EPM2A: variants seen among roughly 807,000 people sequenced by gnomAD.
EPM2A encodes the protein laforin.
Under a neutral mutation model 26.5 loss-of-function variants are expected in EPM2A, and 21 were observed. That is an observed-to-expected ratio of 0.79 (90% CI 0.56 to 1.14). The LOEUF (loss-of-function observed/expected upper bound fraction) is 1.14. Among genes scored for constraint, EPM2A ranks in the 50% most tolerant of loss-of-function variants. EPM2A has a pLI of 0.00. For missense variants in EPM2A, 458 were observed against 440.8 expected, an observed-to-expected ratio of 1.04 and a Z score of -0.35; for synonymous variants, 217 against 177.6, an observed-to-expected ratio of 1.22 and a Z score of -1.76.
intron 2 of EPM2A, among the ~76,000 whole-genome samples, chr6:145,605,971 A>G (rs1775241630): frequency 6.6e-6 from 1 of 152,150 alleles, no homozygotes; most frequent in Non-Finnish European, 1.5e-5. Flanking sequence ...AATTCTAGCT[A>G]TTAAACTCCT....
intron 2 of EPM2A, among the ~76,000 whole-genome samples, chr6:145,683,042 A>G (rs925055996): frequency 6.6e-6 from 1 of 152,202 alleles, no homozygotes; most frequent in African/African-American, 2.4e-5. Context: ...TTTCAATTTA[A>G]TAATGAAATA....
intron 4 of EPM2A, among the ~76,000 whole-genome samples, chr6:145,472,819 A>G (rs1779493720): frequency 6.6e-6 from 1 of 152,194 alleles, no homozygotes; most frequent in Admixed American, 6.5e-5. Flanking sequence ...ACAAGTCTGC[A>G]AGAACCACAG....
intron 4 of EPM2A, among the ~76,000 whole-genome samples, chr6:145,416,122 C>A (rs934568204): frequency 6.6e-6 from 1 of 151,968 alleles, no homozygotes; most frequent in East Asian, 1.9e-4. Flanking sequence ...CACTTGTCAG[C>A]AAAAAGAGAA....
intron 2 of EPM2A, among the ~76,000 whole-genome samples, chr6:145,612,378 CAT>C (rs1775410198): frequency 2.0e-5 from 3 of 152,122 alleles, no homozygotes; most frequent in Admixed American, 2.0e-4. Flanking sequence ...AACATGCACT[CAT>C]AATCTTAGTT....
chr6:145,694,126 T>G (rs964679414), intron 1 of EPM2A, among the ~76,000 whole-genome samples: 2 of 152,022 alleles, frequency 1.3e-5, no homozygotes, highest in African/African-American at 4.8e-5. Flanking sequence ...TTACAATTAT[T>G]ATTCATATTA....
At chr6:145,484,276 A>G (rs892879782) in intron 4 of EPM2A, among the ~76,000 whole-genome samples, 4 of 151,690 alleles carry the variant, frequency 2.6e-5, no homozygotes, top group Non-Finnish European at 4.4e-5. Flanking sequence ...AAATATACTG[A>G]CCCCTGTCAA....
intron 2 of EPM2A, among the ~76,000 whole-genome samples, chr6:145,535,314 A>T (rs919315966): frequency 1.3e-5 from 2 of 152,236 alleles, no homozygotes; most frequent in Non-Finnish European, 2.9e-5. Flanking sequence ...ATTCAAGGTG[A>T]CACTTACTGT....
At chr6:145,697,625 A>G (rs896049613) in intron 1 of EPM2A, among the ~76,000 whole-genome samples, 7 of 152,172 alleles carry the variant, frequency 4.6e-5, no homozygotes, top group African/African-American at 1.7e-4. Context: ...CGGCCATTTT[A>G]GAGGCCTACC....
chr6:145,571,580 A>C (rs1161404325), intron 2 of EPM2A, among the ~76,000 whole-genome samples: 1 of 152,180 alleles, frequency 6.6e-6, no homozygotes, highest in Non-Finnish European at 1.5e-5. Flanking sequence ...TCCATTATGG[A>C]AGAGGTCCAG....
intron 4 of EPM2A, chr6:145,490,395 A>T: frequency 1.1e-6 from 1 of 870,134 alleles, no homozygotes; most frequent in Non-Finnish European, 1.9e-6. Flanking sequence ...CAGTGAGGTG[A>T]CATTTGAGGG....
intron 1 of EPM2A, among the ~76,000 whole-genome samples, chr6:145,699,409 G>T (rs1321152590): frequency 6.6e-6 from 1 of 152,190 alleles, no homozygotes; most frequent in Admixed American, 6.5e-5. Flanking sequence ...GGCTCACTGG[G>T]AGAGAAAAAT....
intron 1 of EPM2A, among the ~76,000 whole-genome samples, chr6:145,700,593 T>C (rs953332256): frequency 2.6e-5 from 4 of 152,078 alleles, no homozygotes; most frequent in African/African-American, 9.7e-5. Context: ...AATATACAAA[T>C]AATGCTGAGG....
intron 2 of EPM2A, among the ~76,000 whole-genome samples, chr6:145,553,818 G>GTA (rs1780685925): frequency 6.8e-6 from 1 of 146,226 alleles, no homozygotes; most frequent in African/African-American, 2.5e-5. Context: ...ATTATATTTA[G>GTA]TATATATATT....
chr6:145,696,821 GTGT>G (rs1405445187), intron 1 of EPM2A, among the ~76,000 whole-genome samples: 1 of 137,224 alleles, frequency 7.3e-6, no homozygotes, highest in African/African-American at 2.9e-5. Flanking sequence ...GTGTGTGTGT[GTGT>G]GTGGTGTGTT....
intron 2 of EPM2A, among the ~76,000 whole-genome samples, chr6:145,509,379 T>A (rs990539666): frequency 2.6e-5 from 4 of 152,068 alleles, no homozygotes; most frequent in African/African-American, 9.7e-5. Flanking sequence ...CCCAACAGAC[T>A]AACACAGACT....
chr6:145,501,068 A>G (rs1779882845), downstream of EPM2A, among the ~76,000 whole-genome samples: 1 of 152,348 alleles, frequency 6.6e-6, no homozygotes, highest in East Asian at 1.9e-4. Context: ...CATTTTCTGA[A>G]CACTCACAAT....
At chr6:145,721,659 C>T (rs1775955686) in intron 1 of EPM2A, 1 of 152,230 alleles carries the variant, frequency 6.6e-6, no homozygotes, top group Admixed American at 6.5e-5. Context: ...ATCTCAAACA[C>T]ATGAGCATTC....
chr6:145,720,317 A>C (rs1430254760), intron 1 of EPM2A, among the ~76,000 whole-genome samples: 4 of 152,180 alleles, frequency 2.6e-5, no homozygotes, highest in African/African-American at 9.6e-5. Flanking sequence ...AACACAAACC[A>C]ATGACAAAAT....
At chr6:145,623,927 C>T (rs571681155), downstream of EPM2A, among the ~76,000 whole-genome samples, 1 of 152,270 alleles carries the variant, frequency 6.6e-6, no homozygotes, top group South Asian at 2.1e-4. Flanking sequence ...AGGTTTGGGT[C>T]CTGAGCAGCT....
Sources: gnomAD v4.1 joint callset for allele counts (sites outside exome capture counted in the v4.1 genomes callset) on GRCh38, gnomAD v4.1.1 for gene constraint, MANE v1.5 for transcripts, NCBI Gene and HGNC (gene_info 2026-07-23, HGNC 2026-07-21) for gene names.